The following GLYR1 variants were observed in gnomAD, a reference collection of about 807,000 sequenced individuals.
The protein encoded by GLYR1 is cytokine-like nuclear factor N-PAC.
In GLYR1, 21 loss-of-function variants were observed where a neutral mutation model predicts 72.7. The ratio of observed to expected loss-of-function variants is 0.29; its 90% CI spans 0.20 to 0.42. The LOEUF (loss-of-function observed/expected upper bound fraction) is 0.42, where lower values mean the gene tolerates loss of function less well. GLYR1 is among the 10% of genes least tolerant of loss of function. The pLI is 1.00. For missense variants in GLYR1, 594 were observed against 712.1 expected (o/e 0.83, Z 1.89); for synonymous variants, 392 against 270.2 (o/e 1.45, Z -4.42).
At chr16:4,842,223 G>T (rs938887745) in intron 3 of GLYR1, among the ~76,000 whole-genome samples, 1 of 148,242 alleles carries the variant, frequency 6.7e-6, no homozygotes, top group African/African-American at 2.5e-5. Context: ...CAGCCTGGGC[G>T]ACAGAGCGAG....
At chr16:4,817,983 G>A in intron 9 of GLYR1, 2 of 312,746 alleles carry the variant, frequency 6.4e-6, no homozygotes, top group Admixed American at 4.7e-5. Context: ...GTCTCCCAGG[G>A]CAAAGTCCCC....
At chr16:4,824,715 T>G (rs2084269083) in intron 5 of GLYR1, among the ~76,000 whole-genome samples, 1 of 151,930 alleles carries the variant, frequency 6.6e-6, no homozygotes, top group Non-Finnish European at 1.5e-5. Context: ...GATGAGAAGC[T>G]CCTCTTCATC....
Position 4,837,192 on chromosome 16 carries a change from T to A in GLYR1, c.156-4280A>T, listed in dbSNP as rs185868768. On this transcript the variant is annotated intron_variant, in intron 3 of 15. Transcript: ENST00000321919. Reference sequence around the variant, plus strand: ...TGGCTCATGCCTGAATCCCAGCACCTTGGGAGACCGAGGCAGGTGGATTGA... The same window carrying A: ...TGGCTCATGCCTGAATCCCAGCACCATGGGAGACCGAGGCAGGTGGATTGA... 6.3e-3 allele frequency among the ~76,000 whole-genome samples: 965 copies of A among 152,280 alleles called. 17 individuals are homozygous for A. Among genetic ancestry groups the A allele is most frequent in the African/African-American group, 0.022 (927 of 41,560 alleles).
chr16:4,811,102 T>G, intron 15 of GLYR1, 68 bp downstream of exon 15: 1 of 1,450,804 alleles, frequency 6.9e-7, no homozygotes, highest in Non-Finnish European at 9.2e-7. Context: ...GAGACTCCGT[T>G]AAAAAAAAAA....
At chr16:4,833,105 G>A (rs73515191) in intron 3 of GLYR1, 193 bp from the exon 4 acceptor site, 4 of 453,844 alleles carry the variant, frequency 8.8e-6, no homozygotes, top group Non-Finnish European at 1.5e-5. Context: ...CTTGAAACAA[G>A]TCAAGCAGAA....
chr16:4,819,874 C>T (rs1021043008), intron 9 of GLYR1, among the ~76,000 whole-genome samples: 4 of 152,122 alleles, frequency 2.6e-5, no homozygotes, highest in Admixed American at 2.0e-4. Flanking sequence ...GGCTTAAAAA[C>T]AAGGAGGTAC....
At chr16:4,833,504 T>C (rs1474690452) in intron 3 of GLYR1, among the ~76,000 whole-genome samples, 1 of 152,178 alleles carries the variant, frequency 6.6e-6, no homozygotes, top group Admixed American at 6.5e-5. Context: ...TCACAGCCAC[T>C]GAGCCTATAT....
chr16:4,803,872 G>A lies in GLYR1; in HGVS notation c.*1364C>T, dbSNP rs1041230531. The A allele has an allele frequency of 6.6e-6, 1 of 152,178 alleles. No individual in the cohort carries two copies. Among genetic ancestry groups the A allele is most frequent in the African/African-American group, 2.4e-5 (1 of 41,426 alleles). The allele number at this position is 152,178 out of a possible 1,614,324, so 9.4% of individuals were successfully genotyped here. A position where few individuals can be genotyped will look rare whatever the true frequency, so the allele number is the denominator to read the frequency against. On this transcript the variant is annotated 3_prime_UTR_variant, in exon 16 of 16. Transcript: ENST00000321919. ...TTTTGGAAAATCCAACCCATGCAGA[G>A]GGATAAAAAACTGACATCCCTTGGG...
At position 4,811,220 on chromosome 16, in the gene GLYR1, G is replaced by C; in HGVS notation, c.1537C>G (p.Leu513Val). The change falls in exon 15 of 16, where the codon CTG becomes GTG. Residue 513 changes from leucine (L) to valine (V), a missense_variant. Around this residue, in one of 5 missense-constraint regions of GLYR1, gnomAD observed 266 missense variants for 358.4 expected, o/e 0.74. Coordinates refer to ENST00000321919, the MANE Select transcript of GLYR1 (RefSeq NM_032569.4). Reference sequence around the variant, plus strand: ...GTCGGATGGTTGACCGCATCACCCAGCGCAATGGCTAAGCGGAGATCCTTC... The same window carrying C: ...GTCGGATGGTTGACCGCATCACCCACCGCAATGGCTAAGCGGAGATCCTTC... Reference protein sequence around the residue: ...IQKDLRLAIALGDAVNHPTPM... With the variant: ...IQKDLRLAIAVGDAVNHPTPM... 4 of 1,614,146 alleles carry C rather than the reference G, an allele frequency of 2.5e-6. No individual in the cohort carries two copies. Among genetic ancestry groups the C allele is most frequent in the Non-Finnish European group, 3.4e-6 (4 of 1,180,020 alleles).
At chr16:4,827,728 G>A (rs2084486135) in intron 5 of GLYR1, among the ~76,000 whole-genome samples, 1 of 151,970 alleles carries the variant, frequency 6.6e-6, no homozygotes, top group Admixed American at 6.6e-5. Context: ...ATGAAACCCC[G>A]TCTCTACTAA....
intron 5 of GLYR1, among the ~76,000 whole-genome samples, chr16:4,825,788 A>C (rs973707871): frequency 6.6e-6 from 1 of 151,892 alleles, no homozygotes; most frequent in Admixed American, 6.6e-5. Context: ...AGTAGCTGGG[A>C]CCACAGGCGC....
At chr16:4,814,505 G>A (rs373631537) in intron 11 of GLYR1, 32 bp downstream of exon 11, 250 of 1,523,592 alleles carry the variant, frequency 1.6e-4, no homozygotes, top group Admixed American at 1.5e-4. Context: ...GCTGTGACCC[G>A]GAGTTGCTGA....
At chr16:4,809,252 C>T (rs1414112389) in intron 15 of GLYR1, among the ~76,000 whole-genome samples, 1 of 134,672 alleles carries the variant, frequency 7.4e-6, no homozygotes, top group African/African-American at 2.8e-5. Context: ...TGCAGTGGTG[C>T]GATCTAGGCT....
chr16:4,830,113 G>GT (rs2084695193), intron 5 of GLYR1, among the ~76,000 whole-genome samples: 2 of 150,682 alleles, frequency 1.3e-5, no homozygotes, highest in African/African-American at 4.9e-5. Context: ...CAATTTTTTA[G>GT]TTTTTGTAGA....
intron 1 of GLYR1, chr16:4,846,875 TCTG>T (rs2086156778): frequency 5.7e-6 from 2 of 350,394 alleles, no homozygotes; most frequent in Admixed American, 1.0e-4. Flanking sequence ...CCCCGGCGCT[TCTG>T]CTTTCTGGGA....
rs575931498 is a variant in GLYR1, at chr16:4,811,523, T to A, written c.1462+100A>T. The A allele has an allele frequency of 8.4e-4, 1,225 of 1,451,650 alleles. 1 individual carries two copies. Among genetic ancestry groups the A allele is most frequent in the Admixed American group, 2.0e-3 (109 of 53,404 alleles). The allele number at this position is 1,451,650 out of a possible 1,614,324, so 89.9% of individuals were successfully genotyped here. A position where few individuals can be genotyped will look rare whatever the true frequency, so the allele number is the denominator to read the frequency against. On this transcript the variant is annotated intron_variant, in intron 14 of 15. Coordinates refer to ENST00000321919, the MANE Select transcript of GLYR1 (RefSeq NM_032569.4). ...ACCTCCTCTGGCCAGGGTCAGGGAC[T>A]GACTGGGGAGGGGCATCTTTCACGC...
chr16:4,826,987 C>A (rs1049786552), intron 5 of GLYR1, among the ~76,000 whole-genome samples: 2 of 152,212 alleles, frequency 1.3e-5, no homozygotes, highest in Non-Finnish European at 2.9e-5. Context: ...GGGAGAGTCA[C>A]AGAACTAACA....
intron 6 of GLYR1, among the ~76,000 whole-genome samples, chr16:4,823,311 T>G (rs2084160985): frequency 1.3e-5 from 2 of 152,198 alleles, no homozygotes; most frequent in Admixed American, 1.3e-4. Flanking sequence ...TTGGCCTACT[T>G]GTGTCTGGTA....
intron 15 of GLYR1, among the ~76,000 whole-genome samples, chr16:4,809,326 A>G (rs1264883323): frequency 6.6e-6 from 1 of 151,284 alleles, no homozygotes; most frequent in Non-Finnish European, 1.5e-5. Flanking sequence ...AGTAGCTGAG[A>G]TTAAAGGTGC....
Sources: gnomAD v4.1 joint callset for allele counts (sites outside exome capture counted in the v4.1 genomes callset) on GRCh38, gnomAD v4.1.1 for gene constraint, gnomAD v4.1.1 regional missense constraint, MANE v1.5 for transcripts, NCBI Gene and HGNC (gene_info 2026-07-23, HGNC 2026-07-21) for gene names.